Variants in PDE3A observed in about 807,000 individuals in gnomAD.
PDE3A encodes cGMP-inhibited 3',5'-cyclic phosphodiesterase 3A.
A neutral mutation model predicts 98.3 loss-of-function variants in PDE3A; 43 were observed. The observed-to-expected ratio is 0.44, with a 90% CI of 0.34 to 0.56. PDE3A has a LOEUF of 0.56. PDE3A is among the 20% of genes least tolerant of loss of function. The pLI, the probability that PDE3A is intolerant of heterozygous loss-of-function variation, is 0.01. For synonymous variants in PDE3A, 663 were observed against 567.9 expected, an observed-to-expected ratio of 1.17 and a Z score of -2.38; for missense variants, 1,427 against 1,440.7, an observed-to-expected ratio of 0.99 and a Z score of 0.15.
chr12:20,529,258 T>C (rs778027409), intron 1 of PDE3A, among the ~76,000 whole-genome samples: 2 of 152,176 alleles, frequency 1.3e-5, no homozygotes, highest in African/African-American at 2.4e-5. Context: ...CAATACCACT[T>C]ACCAAGCATA....
At chr12:20,416,407 T>C (rs1377520184) in intron 1 of PDE3A, among the ~76,000 whole-genome samples, 1 of 152,212 alleles carries the variant, frequency 6.6e-6, no homozygotes, top group Non-Finnish European at 1.5e-5. Context: ...CACCTTTGTA[T>C]GTGAATGCAT....
In PDE3A at chr12:20,679,461, A is replaced by G. The variant is rs559747602; in HGVS notation, c.3185-569A>G. Reference sequence around the variant, plus strand: ...ACAGGGTTTCACCGTGTTAGCCAGGATGGTCTCAATCTCCTGAGCTCGTGA... The same window carrying G: ...ACAGGGTTTCACCGTGTTAGCCAGGGTGGTCTCAATCTCCTGAGCTCGTGA... On this transcript the variant is annotated intron_variant, in intron 15 of 15. Coordinates refer to ENST00000359062, the MANE Select transcript of PDE3A (RefSeq NM_000921.5). 1.2e-4 allele frequency among the ~76,000 whole-genome samples: 19 copies of G among 152,222 alleles called. No individual in the cohort carries two copies. The South Asian group carries it at 1.9e-3, about 15-fold the overall frequency.
chr12:20,505,993 T>C (rs1344343416), intron 1 of PDE3A, among the ~76,000 whole-genome samples: 1 of 151,976 alleles, frequency 6.6e-6, no homozygotes, highest in Non-Finnish European at 1.5e-5. Context: ...GGGACCATAG[T>C]GGGTTTCAGT....
At chr12:20,502,814 T>A (rs1946046899) in intron 1 of PDE3A, among the ~76,000 whole-genome samples, 1 of 152,154 alleles carries the variant, frequency 6.6e-6, no homozygotes, top group Admixed American at 6.6e-5. Context: ...TTAGGGACAC[T>A]TCGGGACATT....
At chr12:20,571,827 C>T (rs1179769220) in intron 2 of PDE3A, 5 of 792,600 alleles carry the variant, frequency 6.3e-6, no homozygotes, top group Non-Finnish European at 7.7e-6. Flanking sequence ...CAAAATTTCC[C>T]ACTAGACTAA....
chr12:20,370,956 C>T (rs1308050186), intron 1 of PDE3A, among the ~76,000 whole-genome samples: 1 of 152,182 alleles, frequency 6.6e-6, no homozygotes, highest in Non-Finnish European at 1.5e-5. Context: ...AAATTGTCAA[C>T]TGCGTTTTAG....
chr12:20,406,643 C>T (rs1944238180), intron 1 of PDE3A, among the ~76,000 whole-genome samples: 1 of 152,088 alleles, frequency 6.6e-6, no homozygotes, highest in African/African-American at 2.4e-5. Flanking sequence ...GTTATTTTCT[C>T]CTATTCTGTA....
At chr12:20,584,965 CTTCT>C (rs1481552378) in intron 2 of PDE3A, among the ~76,000 whole-genome samples, 2 of 152,168 alleles carry the variant, frequency 1.3e-5, no homozygotes, top group Non-Finnish European at 1.5e-5. Context: ...ACATTTTTCA[CTTCT>C]TTGTTTCACT....
intron 1 of PDE3A, among the ~76,000 whole-genome samples, chr12:20,378,570 T>C (rs1943611854): frequency 6.6e-6 from 1 of 151,620 alleles, no homozygotes; most frequent in Admixed American, 6.6e-5. Flanking sequence ...TCTAAAAAGA[T>C]CAAAAGGCAA....
intron 1 of PDE3A, among the ~76,000 whole-genome samples, chr12:20,471,023 C>T (rs901268584): frequency 6.6e-6 from 1 of 152,112 alleles, no homozygotes; most frequent in African/African-American, 2.4e-5. Context: ...ACCATCCATG[C>T]TGCCACCTAG....
chr12:20,656,878 C>T (rs1018824558), intron 15 of PDE3A, among the ~76,000 whole-genome samples: 2 of 152,174 alleles, frequency 1.3e-5, no homozygotes, highest in African/African-American at 4.8e-5. Context: ...ACTTGTCAAC[C>T]TAGCCTTTAG....
rs568276152 is a variant in PDE3A at position 20,509,671 on chromosome 12, G to A, written c.961-46989G>A. ...TAGCTCTGAAATTATTGTAGCCTCT[G>A]TTTTCTGTTTGTTACCAGATGATAT... On this transcript the variant is annotated intron_variant, in intron 1 of 15. Transcript: ENST00000359062. Among the ~76,000 whole-genome samples the A allele has an allele frequency of 2.0e-5, 3 of 152,006 alleles. No individual in the cohort carries two copies. In the East Asian group the frequency reaches 5.8e-4, roughly 29 times the overall value.
chr12:20,378,151 T>G (rs1943604015), intron 1 of PDE3A, among the ~76,000 whole-genome samples: 1 of 151,710 alleles, frequency 6.6e-6, no homozygotes, highest in Non-Finnish European at 1.5e-5. Flanking sequence ...GATTGGAGAT[T>G]TTGATAGTGT....
At chr12:20,569,446 A>G (rs1942741656) in intron 2 of PDE3A, among the ~76,000 whole-genome samples, 1 of 152,142 alleles carries the variant, frequency 6.6e-6, no homozygotes, top group African/African-American at 2.4e-5. Context: ...CTCTTCTTTC[A>G]TAACCTTGTA....
intron 1 of PDE3A, among the ~76,000 whole-genome samples, chr12:20,473,482 A>G (rs1480503683): frequency 6.6e-6 from 1 of 152,166 alleles, no homozygotes; most frequent in Non-Finnish European, 1.5e-5. Context: ...TGTGTCTTCA[A>G]CAAACACTAG....
intron 1 of PDE3A, among the ~76,000 whole-genome samples, chr12:20,503,176 A>G (rs1007648948): frequency 1.9e-4 from 29 of 152,048 alleles, no homozygotes; most frequent in Non-Finnish European, 1.9e-4. Context: ...AACTTAATGT[A>G]TTTAGAACTT....
chr12:20,631,943 G>A (rs1415476950), intron 6 of PDE3A, among the ~76,000 whole-genome samples: 8 of 58,574 alleles, frequency 1.4e-4, no homozygotes, highest in Admixed American at 1.2e-3. Context: ...AATTGTTGTG[G>A]TTTCCCCCTG....
chr12:20,471,561 TG>T (rs1453283647), intron 1 of PDE3A, among the ~76,000 whole-genome samples: 2 of 152,148 alleles, frequency 1.3e-5, no homozygotes, highest in Non-Finnish European at 2.9e-5. Context: ...AGAGTGCCAT[TG>T]CTATTATTTT....
chr12:20,545,638 G>A (rs1192573741), intron 1 of PDE3A, among the ~76,000 whole-genome samples: 1 of 151,942 alleles, frequency 6.6e-6, no homozygotes, highest in Non-Finnish European at 1.5e-5. Context: ...GAATACAGGA[G>A]AAAGCTAAAT....
Sources: gnomAD v4.1 joint callset for allele counts (sites outside exome capture counted in the v4.1 genomes callset) on GRCh38, gnomAD v4.1.1 for gene constraint, MANE v1.5 for transcripts, NCBI Gene and HGNC (gene_info 2026-07-23, HGNC 2026-07-21) for gene names.